The following IFT22 variants were observed in gnomAD, a reference collection of about 807,000 sequenced individuals.
IFT22 encodes the protein intraflagellar transport 22.
IFT22 carries 13 observed loss-of-function variants against 21.0 expected under a neutral mutation model. The ratio of observed to expected loss-of-function variants is 0.62; its 90% CI spans 0.40 to 0.98. The LOEUF (loss-of-function observed/expected upper bound fraction) is 0.98, where lower values mean the gene tolerates loss of function less well. Ranked by LOEUF, IFT22 falls within the 50% of genes least tolerant of loss-of-function variation. The pLI, the probability that IFT22 is intolerant of heterozygous loss-of-function variation, is 0.00. For synonymous variants in IFT22, 67 were observed against 82.4 expected, an observed-to-expected ratio of 0.81 and a Z score of 1.01; for missense variants, 227 against 228.9, an observed-to-expected ratio of 0.99 and a Z score of 0.06.
intron 1 of IFT22, 24 bp from the exon 2 acceptor site, chr7:101,319,056 G>A (rs1363446062): frequency 6.2e-7 from 1 of 1,612,382 alleles, no homozygotes; most frequent in South Asian, 1.1e-5. Context: ...TGCAAATAAA[G>A]GTCTTTGCTG....
At chr7:101,320,773 CG>C (rs933409611) in intron 1 of IFT22, among the ~76,000 whole-genome samples, 2 of 152,130 alleles carry the variant, frequency 1.3e-5, no homozygotes. Context: ...GAGACTGAGG[CG>C]GGAGGACTGT....
At position 101,314,847 on chromosome 7, in the gene IFT22, T is replaced by A. The variant is rs2116916988; in HGVS notation, c.*287A>T. 2.8e-6 allele frequency: 1 copy of A among 355,128 alleles called. No individual in the cohort carries two copies. Among genetic ancestry groups the A allele is most frequent in the Admixed American group, 4.4e-5 (1 of 22,962 alleles). The allele number at this position is 355,128 out of a possible 1,614,324, so 22.0% of individuals were successfully genotyped here. ...CGACGGTTACAAGTCCACAAACTGT[T>A]TAACTGGACATATGTGAGGTGGTAA... On this transcript the variant is annotated 3_prime_UTR_variant, in exon 5 of 5. Transcript: ENST00000315322.
intron 1 of IFT22, among the ~76,000 whole-genome samples, chr7:101,319,652 T>TC: frequency 6.6e-6 from 1 of 150,728 alleles, no homozygotes; most frequent in Non-Finnish European, 1.5e-5. Flanking sequence ...TTTTTTTTTT[T>TC]TTTTTTTTTG....
rs1464747492 is a variant in IFT22 at position 101,312,566 on chromosome 7, C to T, written c.*2568G>A. ...TTTTTTTTTTTTTGTGACGGAGTCT[C>T]GCTATGTTGCCGAGGCTGGAGAGCA... is the stretch of plus-strand genomic sequence containing the variant. On this transcript the variant is annotated 3_prime_UTR_variant, in exon 5 of 5. Transcript: ENST00000315322. Among the ~76,000 whole-genome samples, 5 of 112,440 alleles carry T rather than the reference C, an allele frequency of 4.4e-5. No individual in the cohort carries two copies. Among genetic ancestry groups the T allele is most frequent in the African/African-American group, 3.5e-5 (1 of 28,926 alleles). 73.8% of individuals were successfully genotyped at this position (112,440 alleles called of 152,430 possible). A position where few individuals can be genotyped will look rare whatever the true frequency, so the allele number is the denominator to read the frequency against.
rs1790022373 is a variant in IFT22, at chr7:101,313,024, G to T, written c.*2110C>A. On this transcript the variant is annotated 3_prime_UTR_variant, in exon 5 of 5. Coordinates refer to ENST00000315322, the MANE Select transcript of IFT22 (RefSeq NM_022777.4). Reference sequence around the variant, plus strand: ...AATTTTTGTATTTTTAGTAGAGACGGGGTTTCACCATGTTGGACAGGCTGG... The same window carrying T: ...AATTTTTGTATTTTTAGTAGAGACGTGGTTTCACCATGTTGGACAGGCTGG... Among the ~76,000 whole-genome samples, 1 of 151,970 alleles carries T rather than the reference G, an allele frequency of 6.6e-6. No individual in the cohort carries two copies. The highest frequency in any genetic ancestry group is 6.6e-5 in the Admixed American group (1 of 15,236).
At chr7:101,317,561 C>A (rs1790197105) in intron 3 of IFT22, among the ~76,000 whole-genome samples, 1 of 152,012 alleles carries the variant, frequency 6.6e-6, no homozygotes, top group African/African-American at 2.4e-5. Context: ...AGCCACTGCG[C>A]CTGGCCAAGG....
At chr7:101,319,258 T>C (rs1790258229) in intron 1 of IFT22, among the ~76,000 whole-genome samples, 2 of 152,108 alleles carry the variant, frequency 1.3e-5, no homozygotes, top group Non-Finnish European at 2.9e-5. Context: ...TTTTATTTTT[T>C]GAGACAGAGT....
chr7:101,321,416 CCACT>C, intron 1 of IFT22: 3 of 508,370 alleles, frequency 5.9e-6, no homozygotes, highest in Non-Finnish European at 1.0e-5. Flanking sequence ...TCCAATGATG[CCACT>C]CAGTACCTTG....
Position 101,318,271 on chromosome 7 carries a change from G to C in IFT22, c.117-58C>G, listed in dbSNP as rs118164766. The C allele has an allele frequency of 7.8e-4, 1,106 of 1,410,320 alleles. 14 individuals are homozygous for C. In the East Asian group the frequency reaches 0.025, roughly 32 times the overall value. 87.4% of individuals were successfully genotyped at this position (1,410,320 alleles called of 1,614,324 possible). ...GCAGTGGCTCACGCCTGTAATCTCA[G>C]CAGTCTGGGAGGCCAAGGCGGGCAG... On this transcript the variant is annotated intron_variant, in intron 2 of 4. Coordinates refer to ENST00000315322, the MANE Select transcript of IFT22 (RefSeq NM_022777.4).
At chr7:101,321,011 C>T (rs118149823) in intron 1 of IFT22, among the ~76,000 whole-genome samples, 6,869 of 152,214 alleles carry the variant, frequency 0.045, 230 homozygotes, top group Middle Eastern at 0.17. Context: ...GGGGTAATGG[C>T]GTGGGCCTGT....
rs151207786 is a variant in IFT22, at chr7:101,316,488, G to A, written c.261C>T (p.Val87=). The change falls in exon 4 of 5, where the codon GTC becomes GTT. Residue 87 remains valine, a synonymous_variant. Coordinates refer to ENST00000315322, the MANE Select transcript of IFT22 (RefSeq NM_022777.4). The part of the protein sequence containing the change: ...LMKDAHGVVI[V]FNADIPSHRK... ...GGTGGCTTGGGATGTCAGCATTGAAGACGATCACCACTCCATGAGCATCCT... is the reference window on the plus strand; with the variant it reads ...GGTGGCTTGGGATGTCAGCATTGAAAACGATCACCACTCCATGAGCATCCT... The A allele has an allele frequency of 3.4e-5, 55 of 1,614,162 alleles. No homozygotes were observed. The African/African-American group carries it at 6.7e-4, about 20-fold the overall frequency.
rs1045298202 is a variant in IFT22 at position 101,310,991 on chromosome 7, T to C, written c.*4143A>G. The C allele has an allele frequency of 7.1e-6, 1 of 141,464 alleles. No homozygotes were observed. The highest frequency in any genetic ancestry group is 2.0e-4 in the East Asian group (1 of 5,078). 8.8% of individuals were successfully genotyped at this position (141,464 alleles called of 1,614,324 possible). On this transcript the variant is annotated 3_prime_UTR_variant, in exon 5 of 5. Transcript: ENST00000315322. ...GGTGAACAAAATCTGCTGGGTTAAT[T>C]TTTTTTTTTTTTTTTTTTTTGAGAT...
At chr7:101,318,252 G>T (rs1276204560) in intron 2 of IFT22, 39 bp from the exon 3 acceptor site, 1 of 1,515,730 alleles carries the variant, frequency 6.6e-7, no homozygotes. Flanking sequence ...GGGTGCAGTG[G>T]CTCACGCCTG....
In IFT22 at chr7:101,312,649, C is replaced by T. The variant is rs993911029; in HGVS notation, c.*2485G>A. Among the ~76,000 whole-genome samples the T allele has an allele frequency of 6.6e-6, 1 of 151,046 alleles. No individual in the cohort carries two copies. Among genetic ancestry groups the T allele is most frequent in the Non-Finnish European group, 1.5e-5 (1 of 67,896 alleles). On this transcript the variant is annotated 3_prime_UTR_variant, in exon 5 of 5. Transcript: ENST00000315322. ...CTCCTGGGTTCAAGTGATTCTCCTC[C>T]CTCAGCTTCCTGAGTAGCTGGGATT...
intron 1 of IFT22, among the ~76,000 whole-genome samples, chr7:101,320,771 G>C (rs1467626525): frequency 6.6e-6 from 1 of 152,140 alleles, no homozygotes; most frequent in Non-Finnish European, 1.5e-5. Flanking sequence ...GAGAGACTGA[G>C]GCGGGAGGAC....
chr7:101,314,754 G>C lies in IFT22; in HGVS notation c.*380C>G, dbSNP rs1554394777. 1.6e-5 allele frequency: 3 copies of C among 189,126 alleles called. No homozygotes were observed. Among genetic ancestry groups the C allele is most frequent in the Non-Finnish European group, 3.3e-5 (3 of 91,986 alleles). 11.7% of individuals were successfully genotyped at this position (189,126 alleles called of 1,614,324 possible). On this transcript the variant is annotated 3_prime_UTR_variant, in exon 5 of 5. Coordinates refer to ENST00000315322, the MANE Select transcript of IFT22 (RefSeq NM_022777.4). The stretch of plus-strand genomic sequence containing the variant: ...CTCAGCCAGTCGGTATTTGTTGGGT[G>C]AATCAAGGAATGAAAATCACATTCA...
Position 101,311,205 on chromosome 7 carries a change from A to G in IFT22, c.*3929T>C, listed in dbSNP as rs1789973198. On this transcript the variant is annotated 3_prime_UTR_variant, in exon 5 of 5. Coordinates refer to ENST00000315322, the MANE Select transcript of IFT22 (RefSeq NM_022777.4). ...AGGTGGGGTTTCACTGTTAGCCAGG[A>G]TGGTCTCGATCTCTTAACCTCGTAA... Among the ~76,000 whole-genome samples the G allele has an allele frequency of 6.6e-6, 1 of 152,036 alleles. No individual in the cohort carries two copies. Among genetic ancestry groups the G allele is most frequent in the African/African-American group, 2.4e-5 (1 of 41,476 alleles).
At chr7:101,315,338 T>G in intron 4 of IFT22, 56 bp from the exon 5 acceptor site, 1 of 1,561,362 alleles carries the variant, frequency 6.4e-7, no homozygotes, top group Non-Finnish European at 8.8e-7. Context: ...GGGCCCTTTA[T>G]AGCTCCCAAT....
At position 101,319,033 on chromosome 7, in the gene IFT22, CTG is replaced by C. The variant is rs756335572; in HGVS notation, c.40-3_40-2del. The stretch of plus-strand genomic sequence containing the variant: ...AGTTGGCCAAAACAGTTTTTCCACT[CTG>C]TGAAAATGAGTGCAAATAAAGGTCT... On this transcript the variant is annotated splice_acceptor_variant and splice_polypyrimidine_tract_variant and intron_variant, in intron 1 of 4. Transcript: ENST00000315322. LOFTEE classifies it high-confidence loss of function. The C allele has an allele frequency of 1.1e-5, 17 of 1,613,576 alleles. No homozygotes were observed. The highest frequency in any genetic ancestry group is 6.7e-5 in the East Asian group (3 of 44,868).
Sources: gnomAD v4.1 joint callset for allele counts (sites outside exome capture counted in the v4.1 genomes callset) on GRCh38, gnomAD v4.1.1 for gene constraint, MANE v1.5 for transcripts, NCBI Gene and HGNC (gene_info 2026-07-23, HGNC 2026-07-21) for gene names.